Variants in CSMD1 observed in about 807,000 individuals in gnomAD.
CSMD1 encodes CUB and Sushi multiple domains 1, also known as CUB and sushi domain-containing protein 1.
CSMD1 carries 213 observed loss-of-function variants against 417.5 expected under a neutral mutation model. The ratio of observed to expected loss-of-function variants is 0.51; its 90% confidence interval spans 0.46 to 0.57. The LOEUF (loss-of-function observed/expected upper bound fraction) is 0.57. Among genes scored for constraint, CSMD1 ranks in the 20% least tolerant of loss-of-function variants. CSMD1 has a pLI of 0.00. For synonymous variants in CSMD1, 2,862 were observed against 1,736.8 expected (o/e 1.65, Z -16.11); for missense variants, 6,923 against 4,529.7 (o/e 1.53, Z -15.17).
At chr8:4,408,752 G>C (rs17070157) in intron 3 of CSMD1, among the ~76,000 whole-genome samples, 15,289 of 152,050 alleles carry the variant, frequency 0.1, 903 homozygotes, top group East Asian at 0.25. Context: ...AGTATCTATT[G>C]TGCAGGTGAG....
At chr8:3,412,736 A>G (rs1812890505) in intron 12 of CSMD1, among the ~76,000 whole-genome samples, 1 of 152,248 alleles carries the variant, frequency 6.6e-6, no homozygotes, top group Non-Finnish European at 1.5e-5. Context: ...ATACATCTAT[A>G]GAGAACACCT....
intron 7 of CSMD1, among the ~76,000 whole-genome samples, chr8:3,627,710 A>C (rs1218681976): frequency 6.6e-6 from 1 of 152,204 alleles, no homozygotes; most frequent in Non-Finnish European, 1.5e-5. Context: ...GTATTACATA[A>C]TTTAAGTGTC....
chr8:4,664,018 A>G (rs1804767744), intron 1 of CSMD1, among the ~76,000 whole-genome samples: 2 of 152,142 alleles, frequency 1.3e-5, no homozygotes, highest in Non-Finnish European at 2.9e-5. Flanking sequence ...CCACAACACA[A>G]TGCTGTTCTG....
At chr8:4,305,315 G>A (rs557205672) in intron 3 of CSMD1, among the ~76,000 whole-genome samples, 6 of 152,238 alleles carry the variant, frequency 3.9e-5, no homozygotes, top group African/African-American at 1.4e-4. Context: ...GAGTCAGGCC[G>A]CCACAAAGCC....
At chr8:3,303,168 C>T (rs746189364) in intron 25 of CSMD1, among the ~76,000 whole-genome samples, 5 of 152,280 alleles carry the variant, frequency 3.3e-5, no homozygotes, top group South Asian at 2.1e-4. Context: ...TCCTGAGTGG[C>T]CTCATACCTT....
intron 1 of CSMD1, among the ~76,000 whole-genome samples, chr8:4,720,323 T>C (rs1250587358): frequency 6.6e-6 from 1 of 152,122 alleles, no homozygotes; most frequent in East Asian, 1.9e-4. Flanking sequence ...TCAAAATCTA[T>C]TGCACCAGAA....
chr8:4,898,183 T>C (rs905044161), intron 1 of CSMD1, among the ~76,000 whole-genome samples: 12 of 152,256 alleles, frequency 7.9e-5, no homozygotes, highest in African/African-American at 2.6e-4. Context: ...ATGCCCAGCG[T>C]GCATTGCTAT....
Position 3,618,688 on chromosome 8 carries a change from A to G in CSMD1, c.1010-1891T>C, listed in dbSNP as rs1802265251. ...AAATGACTACCAGAAGATTAAAATA[A>G]TTTTACAGGAGCGCTAAATGACAGT... On this transcript the variant is annotated intron_variant, in intron 7 of 69. Transcript: ENST00000635120. Among the ~76,000 whole-genome samples the G allele has an allele frequency of 2.0e-5, 3 of 152,178 alleles. No individual in the cohort carries two copies. In the East Asian group the frequency reaches 5.8e-4, roughly 29 times the overall value.
intron 49 of CSMD1, among the ~76,000 whole-genome samples, chr8:3,068,228 C>T (rs1813077281): frequency 6.6e-6 from 1 of 152,102 alleles, no homozygotes; most frequent in Non-Finnish European, 1.5e-5. Flanking sequence ...AAACTTTCTT[C>T]ATAGATTTGC....
chr8:4,253,794 T>G (rs1399598444), intron 3 of CSMD1, among the ~76,000 whole-genome samples: 1 of 152,046 alleles, frequency 6.6e-6, no homozygotes. Flanking sequence ...TGCCTGTATT[T>G]ATGTGAAAGA....
chr8:3,460,206 G>A (rs1816406931), intron 12 of CSMD1, among the ~76,000 whole-genome samples: 5 of 152,146 alleles, frequency 3.3e-5, no homozygotes, highest in Non-Finnish European at 2.9e-5. Flanking sequence ...ACTCTGAGAT[G>A]AGACGGGAAG....
Position 4,287,793 on chromosome 8 carries a change from T to C in CSMD1, c.415+132160A>G, listed in dbSNP as rs535696035. Among the ~76,000 whole-genome samples, 3 of 151,970 alleles carry C rather than the reference T, an allele frequency of 2.0e-5. No homozygotes were observed. The South Asian group carries it at 6.3e-4, about 32-fold the overall frequency. The stretch of plus-strand genomic sequence containing the variant: ...GGTTGAGCGAGTTGGACTCATACTA[T>C]CTCTCCTCCAACCTCTCTGTGGCCC... On this transcript the variant is annotated intron_variant, in intron 3 of 69. Transcript: ENST00000635120.
intron 1 of CSMD1, among the ~76,000 whole-genome samples, chr8:4,850,080 G>A (rs1033169232): frequency 5.9e-5 from 9 of 152,176 alleles, no homozygotes; most frequent in African/African-American, 2.2e-4. Context: ...CCTGGTGGGT[G>A]TGAAGTAGGA....
intron 1 of CSMD1, among the ~76,000 whole-genome samples, chr8:4,746,747 G>T (rs1355036795): frequency 6.6e-6 from 1 of 152,006 alleles, no homozygotes. Flanking sequence ...GTCACCGGTA[G>T]AACCTTCACT....
At chr8:3,531,633 T>C (rs894202204) in intron 10 of CSMD1, among the ~76,000 whole-genome samples, 4 of 152,118 alleles carry the variant, frequency 2.6e-5, no homozygotes, top group East Asian at 3.9e-4. Context: ...TGTGTTAGCA[T>C]AGGTGCAATA....
chr8:3,026,036 C>A (rs537264927), intron 51 of CSMD1, among the ~76,000 whole-genome samples: 3 of 152,074 alleles, frequency 2.0e-5, no homozygotes, highest in African/African-American at 4.8e-5. Context: ...ATCCTCTCCC[C>A]CTGAGTGAGG....
intron 5 of CSMD1, among the ~76,000 whole-genome samples, chr8:3,932,580 T>C (rs1810226243): frequency 1.3e-5 from 2 of 150,600 alleles, no homozygotes; most frequent in African/African-American, 4.9e-5. Flanking sequence ...ATTAGTACTG[T>C]GGCTAGTTAA....
At chr8:4,251,568 A>T (rs939384333) in intron 3 of CSMD1, among the ~76,000 whole-genome samples, 2 of 152,230 alleles carry the variant, frequency 1.3e-5, no homozygotes, top group African/African-American at 4.8e-5. Context: ...AGTATCCCAC[A>T]GGTGACTCTA....
intron 1 of CSMD1, among the ~76,000 whole-genome samples, chr8:4,988,875 TC>T (rs1811319095): frequency 6.6e-6 from 1 of 152,248 alleles, no homozygotes; most frequent in Non-Finnish European, 1.5e-5. Flanking sequence ...CTATAATCAG[TC>T]AATTTCAGCT....
Sources: gnomAD v4.1 joint callset for allele counts (sites outside exome capture counted in the v4.1 genomes callset) on GRCh38, gnomAD v4.1.1 for gene constraint, MANE v1.5 for transcripts, NCBI Gene and HGNC (gene_info 2026-07-23, HGNC 2026-07-21) for gene names.